The following UROC1 variants were observed in gnomAD, a reference collection of about 807,000 sequenced individuals.
UROC1 encodes urocanate hydratase.
Under a neutral mutation model 89.5 loss-of-function variants are expected in UROC1, and 79 were observed. The ratio of observed to expected loss-of-function variants is 0.88; its 90% CI spans 0.74 to 1.06. The LOEUF (loss-of-function observed/expected upper bound fraction) is 1.06. Ranked by LOEUF, UROC1 falls within the 50% of genes least tolerant of loss-of-function variation. The probability of loss-of-function intolerance (pLI) is 0.00; values close to 1 mark genes in which losing one functional copy is unlikely to be tolerated. For missense variants in UROC1, 885 were observed against 907.8 expected, an observed-to-expected ratio of 0.97 and a Z score of 0.32; for synonymous variants, 361 against 354.8, an observed-to-expected ratio of 1.02 and a Z score of -0.20.
intron 8 of UROC1, among the ~76,000 whole-genome samples, chr3:126,505,021 T>C (rs1168425985): frequency 6.6e-6 from 1 of 152,078 alleles, no homozygotes; most frequent in Non-Finnish European, 1.5e-5. Flanking sequence ...CAAGAGCTGG[T>C]TGTTTAAAAG....
At position 126,498,077 on chromosome 3, in the gene UROC1, A is replaced by G. The variant is rs1249436745; in HGVS notation, c.1412T>C (p.Val471Ala). Residue 471 changes from valine (V) to alanine (A), a missense_variant, in exon 14 of 20, where the codon GTG (valine) becomes GCG (alanine). By Grantham distance (64) the Val-to-Ala change is moderately conservative. Transcript: ENST00000290868. ...TCCATCAGCAATGGCTTCCTCCAGCACAGATGTGGCCAGTTCGTCTGTGAC... is the reference window on the plus strand; with the variant it reads ...TCCATCAGCAATGGCTTCCTCCAGCGCAGATGTGGCCAGTTCGTCTGTGAC... ...LAVTDELATS[V>A]LEEAIADGVK... 6.2e-7 allele frequency: 1 copy of G among 1,614,162 alleles called. No individual in the cohort carries two copies. Among genetic ancestry groups the G allele is most frequent in the East Asian group, 2.2e-5 (1 of 44,876 alleles).
chr3:126,500,562 C>T, intron 11 of UROC1, 133 bp downstream of exon 11: 1 of 1,078,662 alleles, frequency 9.3e-7, no homozygotes, highest in Non-Finnish European at 1.4e-6. Flanking sequence ...TGGGTGGAGG[C>T]AGAGGCTCAG....
At chr3:126,487,173 C>T (rs1935538171) in intron 18 of UROC1, among the ~76,000 whole-genome samples, 1 of 150,860 alleles carries the variant, frequency 6.6e-6, no homozygotes, top group Non-Finnish European at 1.5e-5. Context: ...CTTCGGCTGT[C>T]TGTCAGCAAT....
In UROC1 at chr3:126,512,426, T is replaced by C. The variant is rs1936216788; in HGVS notation, c.127-1632A>G. Among the ~76,000 whole-genome samples the C allele has an allele frequency of 3.3e-5, 5 of 152,238 alleles. No homozygotes were observed. In the South Asian group the frequency reaches 1.0e-3, roughly 32 times the overall value. On this transcript the variant is annotated intron_variant, in intron 1 of 19. Coordinates refer to ENST00000290868, the MANE Select transcript of UROC1 (RefSeq NM_144639.3). ...CGCTCCCAGGATTTTTATATGTTTA[T>C]GCTACGAAAAATATAAGGCTAGGCG...
At chr3:126,516,953 C>T (rs1296996653) in intron 1 of UROC1, among the ~76,000 whole-genome samples, 1 of 151,902 alleles carries the variant, frequency 6.6e-6, no homozygotes, top group Non-Finnish European at 1.5e-5. Flanking sequence ...GGAGGAAAGT[C>T]TATATAACCG....
rs1312625495 is a variant in UROC1 at position 126,492,603 on chromosome 3, C to T, written c.1510-87G>A. 1.1e-5 allele frequency: 11 copies of T among 1,038,144 alleles called. No homozygotes were observed. In the Admixed American group the frequency reaches 2.0e-4, roughly 18 times the overall value. 64.3% of individuals were successfully genotyped at this position (1,038,144 alleles called of 1,614,324 possible). A position where few individuals can be genotyped will look rare whatever the true frequency, so the allele number is the denominator to read the frequency against. On this transcript the variant is annotated intron_variant, in intron 15 of 19. Transcript: ENST00000290868. ...TGCAGGGAGACACGGGTGGCACTTC[C>T]ACTGTGGGACATGGCCCTTGGCAGC... is the stretch of plus-strand genomic sequence containing the variant.
At chr3:126,513,151 T>TGC (rs1232267747) in intron 1 of UROC1, among the ~76,000 whole-genome samples, 1 of 152,042 alleles carries the variant, frequency 6.6e-6, no homozygotes, top group Non-Finnish European at 1.5e-5. Context: ...TGTGTGTGTG[T>TGC]GTGTGTGTGT....
intron 18 of UROC1, among the ~76,000 whole-genome samples, chr3:126,485,068 G>A (rs1012694124): frequency 6.6e-6 from 1 of 152,214 alleles, no homozygotes; most frequent in Non-Finnish European, 1.5e-5. Flanking sequence ...TATTAATGGT[G>A]AATTTGAGGT....
intron 19 of UROC1, 102 bp from the exon 20 acceptor site, chr3:126,482,587 G>A: frequency 1.3e-6 from 2 of 1,562,556 alleles, no homozygotes; most frequent in South Asian, 2.2e-5. Flanking sequence ...GGACCTCTGA[G>A]GCTGTCCGTG....
In UROC1 at chr3:126,499,427, A is replaced by G; in HGVS notation, c.1244-18T>C. The G allele has an allele frequency of 6.2e-7, 1 of 1,606,602 alleles. No individual in the cohort carries two copies. Reference sequence around the variant, plus strand: ...ATCCGCTCCTGTGGGCAGAGCCCGGACAGTCACCACCCAAGGCAGGACACC... The same window carrying G: ...ATCCGCTCCTGTGGGCAGAGCCCGGGCAGTCACCACCCAAGGCAGGACACC... On this transcript the variant is annotated intron_variant, in intron 12 of 19. Coordinates refer to ENST00000290868, the MANE Select transcript of UROC1 (RefSeq NM_144639.3).
At chr3:126,491,665 G>A (rs181164539) in intron 16 of UROC1, among the ~76,000 whole-genome samples, 3 of 152,354 alleles carry the variant, frequency 2.0e-5, no homozygotes, top group East Asian at 1.9e-4. Context: ...AAAGAGAGAC[G>A]CCCGCAAGAA....
At chr3:126,485,591 A>ATTTTTTTTTT (rs372032139) in intron 18 of UROC1, among the ~76,000 whole-genome samples, 1 of 134,470 alleles carries the variant, frequency 7.4e-6, no homozygotes. Context: ...TTCCCCATTT[A>ATTTTTTTTTT]TTTATTTATT....
At chr3:126,491,263 C>T (rs73862715) in intron 16 of UROC1, among the ~76,000 whole-genome samples, 2,779 of 152,352 alleles carry the variant, frequency 0.018, 85 homozygotes, top group African/African-American at 0.064. Context: ...GAAACCCTGT[C>T]GCAATGTGTG....
intron 15 of UROC1, among the ~76,000 whole-genome samples, 165 bp downstream of exon 15, chr3:126,495,873 T>C (rs1046740290): frequency 6.6e-6 from 1 of 152,208 alleles, no homozygotes; most frequent in Non-Finnish European, 1.5e-5. Context: ...GTGGCCACCA[T>C]GGGGCTGGCA....
chr3:126,489,959 A>G (rs1000230454), intron 16 of UROC1, among the ~76,000 whole-genome samples: 2 of 152,210 alleles, frequency 1.3e-5, no homozygotes, highest in Admixed American at 1.3e-4. Context: ...CTCAAGCCTC[A>G]GGCAGCCTGG....
At chr3:126,500,015 G>T in intron 12 of UROC1, 42 bp downstream of exon 12, 1 of 1,577,772 alleles carries the variant, frequency 6.3e-7, no homozygotes, top group Non-Finnish European at 8.7e-7. Flanking sequence ...CTGGGCCCAG[G>T]GTGGTGGCCC....
chr3:126,516,702 C>T (rs1477082928), intron 1 of UROC1, among the ~76,000 whole-genome samples: 1 of 113,270 alleles, frequency 8.8e-6, no homozygotes, highest in African/African-American at 3.6e-5. Flanking sequence ...CCCACACCCA[C>T]CAACCTGCTT....
chr3:126,508,532 CAGA>C, intron 3 of UROC1, 57 bp from the exon 4 acceptor site: 1 of 1,482,356 alleles, frequency 6.7e-7, no homozygotes, highest in East Asian at 2.3e-5. Flanking sequence ...TATGGAGTTG[CAGA>C]CAGGGAGAGA....
At position 126,488,240 on chromosome 3, in the gene UROC1, C is replaced by T; in HGVS notation, c.1748G>A (p.Gly583Glu). The part of the protein sequence containing the change: ...VQNFVGDACR[G>E]ATWVALHNGG... ...GTTGTGAAGGGCGACCCAGGTGGCT[C>T]CGCGACAGGCATCTCCCACGAAGTT... is the stretch of plus-strand genomic sequence containing the variant. The change falls in exon 18 of 20, where the codon GGA (glycine) becomes GAA (glutamate). Residue 583 changes from glycine (G) to glutamate (E), a missense_variant. Gly to Glu is a moderately conservative substitution (Grantham distance 98). Coordinates refer to ENST00000290868, the MANE Select transcript of UROC1 (RefSeq NM_144639.3). 1 of 1,614,234 alleles carries T rather than the reference C, an allele frequency of 6.2e-7. No homozygotes were observed. The highest frequency in any genetic ancestry group is 1.7e-5 in the Admixed American group (1 of 60,034).
Sources: gnomAD v4.1 joint callset for allele counts (sites outside exome capture counted in the v4.1 genomes callset) on GRCh38, gnomAD v4.1.1 for gene constraint, MANE v1.5 for transcripts, NCBI Gene and HGNC (gene_info 2026-07-23, HGNC 2026-07-21) for gene names.